Variants in SPNS2 observed in about 807,000 individuals in gnomAD.
SPNS2 encodes the protein SPNS lysolipid transporter 2, sphingosine-1-phosphate.
In SPNS2, 37 loss-of-function variants were observed where a neutral mutation model predicts 57.6. That is an observed-to-expected ratio of 0.64 (90% CI 0.49 to 0.85). The LOEUF is 0.85. SPNS2 is among the 40% of genes least tolerant of loss of function. SPNS2 has a pLI of 0.00. For missense variants in SPNS2, 831 were observed against 779.1 expected (o/e 1.07, Z -0.79); for synonymous variants, 440 against 346.9 (o/e 1.27, Z -2.98).
intron 1 of SPNS2, among the ~76,000 whole-genome samples, chr17:4,502,935 C>G (rs930494192): frequency 1.3e-5 from 2 of 152,168 alleles, no homozygotes; most frequent in East Asian, 3.9e-4. Context: ...GGTGAACCTG[C>G]TAATTACGGC....
chr17:4,533,704 C>T, intron 8 of SPNS2, 84 bp from the exon 9 acceptor site: 3 of 1,490,584 alleles, frequency 2.0e-6, no homozygotes, highest in Admixed American at 1.7e-5. Context: ...GGCTCCCTGC[C>T]AGCAGCCAGT....
At chr17:4,535,402 T>C (rs1285136261) in intron 9 of SPNS2, among the ~76,000 whole-genome samples, 1 of 151,890 alleles carries the variant, frequency 6.6e-6, no homozygotes, top group Non-Finnish European at 1.5e-5. Flanking sequence ...CCAAGATGGG[T>C]CTTTAGCTTG....
chr17:4,531,095 C>T lies in SPNS2; in HGVS notation c.768C>T (p.Ala256=), dbSNP rs201408263. 3.2e-5 allele frequency: 52 copies of T among 1,614,030 alleles called. No homozygotes were observed. In the African/African-American group the frequency reaches 3.3e-4, roughly 10 times the overall value. Residue 256 remains alanine, a synonymous_variant, in exon 5 of 13, where the codon GCC becomes GCT. Coordinates refer to ENST00000329078, the MANE Select transcript of SPNS2 (RefSeq NM_001124758.3). The stretch of plus-strand genomic sequence containing the variant: ...CTGGCTCCAGCGTGAAGCAGGCAGC[C>T]GGAGACTGGCACTGGGCATTGCGGG... The part of the protein sequence containing the change: ...YITGSSVKQA[A]GDWHWALRVS...
chr17:4,536,974 G>A lies in SPNS2; in HGVS notation c.*4+28G>A, dbSNP rs959922340. 1.1e-5 allele frequency: 17 copies of A among 1,610,194 alleles called. No homozygotes were observed. The Middle Eastern group carries it at 5.0e-4, about 47-fold the overall frequency. On this transcript the variant is annotated intron_variant, in intron 12 of 12. Coordinates refer to ENST00000329078, the MANE Select transcript of SPNS2 (RefSeq NM_001124758.3). ...GAGTGCAGGCCGGGAGGCACGTGGG[G>A]GCTCCCTAAGGAAAGGGGAAGGCCA...
At chr17:4,505,023 C>T (rs771476679) in intron 1 of SPNS2, among the ~76,000 whole-genome samples, 2 of 152,216 alleles carry the variant, frequency 1.3e-5, no homozygotes, top group Non-Finnish European at 2.9e-5. Flanking sequence ...TAGCCAACTG[C>T]GCTTGTCCCT....
At chr17:4,535,857 G>A (rs1076073) in intron 9 of SPNS2, among the ~76,000 whole-genome samples, 145,115 of 150,572 alleles carry the variant, frequency 0.96, 70,029 homozygotes, top group Non-Finnish European at 0.99. Context: ...GCTCAGGGAG[G>A]AGAAGGGTGA....
intron 1 of SPNS2, among the ~76,000 whole-genome samples, chr17:4,507,146 C>T (rs1471102361): frequency 6.6e-6 from 1 of 152,210 alleles, no homozygotes; most frequent in Non-Finnish European, 1.5e-5. Context: ...GAGCCAGGCT[C>T]TCAGGCCCCT....
At position 4,499,035 on chromosome 17, in the gene SPNS2, G is replaced by C; in HGVS notation, c.-13G>C. 1.0e-6 allele frequency: 1 copy of C among 993,364 alleles called. No individual in the cohort carries two copies. Among genetic ancestry groups the C allele is most frequent in the Non-Finnish European group, 1.2e-6 (1 of 837,262 alleles). The allele number at this position is 993,364 out of a possible 1,614,324, so 61.5% of individuals were successfully genotyped here. ...CGCCCCCCGCGCCCCCCGCCGCCCCGATCCGGGCCGGCATGATGTGCCTGG... is the reference window on the plus strand; with the variant it reads ...CGCCCCCCGCGCCCCCCGCCGCCCCCATCCGGGCCGGCATGATGTGCCTGG... On this transcript the variant is annotated 5_prime_UTR_variant, in exon 1 of 13. Coordinates refer to ENST00000329078, the MANE Select transcript of SPNS2 (RefSeq NM_001124758.3). The surrounding 1 kb of genome is among the most constrained non-coding windows in gnomAD (Gnocchi z 5.2).
In SPNS2 at chr17:4,536,958, C is replaced by T; in HGVS notation, c.*4+12C>T. The T allele has an allele frequency of 6.2e-7, 1 of 1,612,372 alleles. No individual in the cohort carries two copies. ...GAAAGTCTGAGGTGGTGAGTGCAGG[C>T]CGGGAGGCACGTGGGGGCTCCCTAA... On this transcript the variant is annotated intron_variant, in intron 12 of 12. Transcript: ENST00000329078.
chr17:4,535,253 G>T (rs371761783), intron 9 of SPNS2, among the ~76,000 whole-genome samples: 3 of 152,104 alleles, frequency 2.0e-5, no homozygotes, highest in Non-Finnish European at 4.4e-5. Flanking sequence ...GTCTGATGGG[G>T]GTCTGGGGCC....
chr17:4,524,118 G>A (rs376380110), intron 2 of SPNS2, among the ~76,000 whole-genome samples: 1 of 152,204 alleles, frequency 6.6e-6, no homozygotes. Flanking sequence ...TGCGAAATCT[G>A]GAGTTCCAGG....
chr17:4,536,250 C>T lies in SPNS2; in HGVS notation c.1444-13C>T, dbSNP rs747752666. The T allele has an allele frequency of 3.4e-5, 54 of 1,610,948 alleles. No individual in the cohort carries two copies. Among genetic ancestry groups the T allele is most frequent in the Middle Eastern group, 1.7e-4 (1 of 6,054 alleles). On this transcript the variant is annotated splice_polypyrimidine_tract_variant and intron_variant, in intron 10 of 12. Coordinates refer to ENST00000329078, the MANE Select transcript of SPNS2 (RefSeq NM_001124758.3). The stretch of plus-strand genomic sequence containing the variant: ...AGGGCTCTGCCCTGACATCCACCCC[C>T]AAATCCTCGCAGATCTCAGACCTGA...
At chr17:4,525,225 T>C (rs780131161) in intron 3 of SPNS2, 32 bp downstream of exon 3, 2 of 1,611,094 alleles carry the variant, frequency 1.2e-6, no homozygotes, top group African/African-American at 2.7e-5. Flanking sequence ...CCCCGACCCC[T>C]GTGTCCTGGT....
At chr17:4,513,095 G>A in intron 1 of SPNS2, 152 bp from the exon 2 acceptor site, 2 of 780,438 alleles carry the variant, frequency 2.6e-6, no homozygotes, top group Non-Finnish European at 4.2e-6. Flanking sequence ...AGGGAAGCCT[G>A]GGAAACCTGG....
chr17:4,507,166 G>A (rs763042281), intron 1 of SPNS2, among the ~76,000 whole-genome samples: 5 of 152,200 alleles, frequency 3.3e-5, no homozygotes, highest in African/African-American at 4.8e-5. Flanking sequence ...TGTAATTACC[G>A]GGGTGGGAGC....
rs779342657 is a variant in SPNS2 at position 4,536,106 on chromosome 17, G to A, written c.1375G>A (p.Ala459Thr). Reference protein sequence around the residue: ...YVVIPTRRATAVALQSFTSHL... With the variant: ...YVVIPTRRATTVALQSFTSHL... ...GGTCATCCCCACGCGGCGCGCCACT[G>A]CCGTGGCCTTGCAGAGCTTCACCTC... Residue 459 changes from alanine (A) to threonine (T), a missense_variant, in exon 10 of 13, where the codon GCC becomes ACC. Ala to Thr is a moderately conservative substitution (Grantham distance 58). Coordinates refer to ENST00000329078, the MANE Select transcript of SPNS2 (RefSeq NM_001124758.3). 5 of 1,612,372 alleles carry A rather than the reference G, an allele frequency of 3.1e-6. No individual in the cohort carries two copies. The highest frequency in any genetic ancestry group is 3.4e-6 in the Non-Finnish European group (4 of 1,179,806).
At position 4,498,911 on chromosome 17, in the gene SPNS2, CCGGGGCCGGAGCGCAGGAGCCGA is replaced by C; in HGVS notation, c.-129_-107del. ...GAGCTGAGCGGTGGCAGCGCCGCAG[CCGGGGCCGGAGCGCAGGAGCCGA>C]CGGGGCCCGACCAGGATGGTGCAGT... On this transcript the variant is annotated 5_prime_UTR_variant, in exon 1 of 13. Transcript: ENST00000329078. The C allele has an allele frequency of 2.4e-5, 9 of 369,488 alleles. No individual in the cohort carries two copies. The highest frequency in any genetic ancestry group is 3.4e-5 in the Non-Finnish European group (9 of 267,532). The allele number at this position is 369,488 out of a possible 1,614,324, so 22.9% of individuals were successfully genotyped here.
Position 4,530,600 on chromosome 17 carries a change from G to A in SPNS2, c.574-32G>A, listed in dbSNP as rs368572669. The A allele has an allele frequency of 4.1e-5, 66 of 1,592,346 alleles. No homozygotes were observed. The African/African-American group carries it at 4.4e-4, about 11-fold the overall frequency. ...GATGACAGGCAGACGGTGGGTAGTC[G>A]GTCCCCCAGCATCCTCCACCCCTCC... On this transcript the variant is annotated intron_variant, in intron 3 of 12. Transcript: ENST00000329078.
intron 9 of SPNS2, among the ~76,000 whole-genome samples, chr17:4,535,852 G>A (rs1905755084): frequency 6.6e-6 from 1 of 151,678 alleles, no homozygotes; most frequent in African/African-American, 2.4e-5. Context: ...GAGGGGCTCA[G>A]GGAGGAGAAG....
Sources: allele counts gnomAD v4.1 joint callset (sites outside exome capture counted in the v4.1 genomes callset), GRCh38; gene constraint gnomAD v4.1.1; non-coding constraint Gnocchi (gnomAD v3.1); transcripts MANE v1.5; gene names NCBI Gene and HGNC (gene_info 2026-07-23, HGNC 2026-07-21).